The following GALNT13 variants were observed in gnomAD, a reference collection of about 807,000 sequenced individuals.
GALNT13 encodes UDP-GalNAc:polypeptide N-acetylgalactosaminyltransferase 13.
GALNT13 carries 28 observed loss-of-function variants against 64.2 expected under a neutral mutation model. The ratio of observed to expected loss-of-function variants is 0.44; its 90% CI spans 0.32 to 0.60. The LOEUF (loss-of-function observed/expected upper bound fraction) is 0.60, where lower values mean the gene tolerates loss of function less well. Ranked by LOEUF, GALNT13 falls within the 20% of genes least tolerant of loss-of-function variation. The pLI is 0.05. For synonymous variants in GALNT13, 214 were observed against 224.6 expected (o/e 0.95, Z 0.42); for missense variants, 577 against 669.8 (o/e 0.86, Z 1.53).
the GALNT13 span, among the ~76,000 whole-genome samples, chr2:153,713,503 T>C: frequency 6.6e-6 from 1 of 152,144 alleles, no homozygotes; most frequent in African/African-American, 2.4e-5. Flanking sequence ...CTTTTTTTTG[T>C]GTGTTGGAGT....
chr2:153,703,453 T>C, the GALNT13 span, among the ~76,000 whole-genome samples: 1 of 152,160 alleles, frequency 6.6e-6, no homozygotes, highest in African/African-American at 2.4e-5. Flanking sequence ...TTCTTCTATT[T>C]CCTTGGGATT....
chr2:153,294,779 AAAC>A, the GALNT13 span, among the ~76,000 whole-genome samples: 3 of 152,190 alleles, frequency 2.0e-5, no homozygotes, highest in African/African-American at 7.2e-5. Flanking sequence ...AATTTATTGA[AAAC>A]ATCATCATCC....
the GALNT13 span, among the ~76,000 whole-genome samples, chr2:153,242,450 T>C: frequency 6.6e-6 from 1 of 152,198 alleles, no homozygotes; most frequent in Non-Finnish European, 1.5e-5. Context: ...TGAGACACCA[T>C]ATGCATCCAT....
intron 8 of GALNT13, among the ~76,000 whole-genome samples, chr2:154,267,104 G>C (rs1177955607): frequency 1.3e-5 from 2 of 151,950 alleles, no homozygotes; most frequent in African/African-American, 2.4e-5. Flanking sequence ...AGAAAGAATA[G>C]TAGTTTCAAA....
intron 4 of GALNT13, among the ~76,000 whole-genome samples, chr2:154,220,034 A>T (rs1688244703): frequency 6.6e-6 from 1 of 152,054 alleles, no homozygotes; most frequent in Admixed American, 6.6e-5. Context: ...CTAATTGGGG[A>T]TATTCTTTAA....
chr2:153,859,054 G>C, the GALNT13 span, among the ~76,000 whole-genome samples: 3 of 152,046 alleles, frequency 2.0e-5, no homozygotes, highest in Admixed American at 2.0e-4. Flanking sequence ...TTTTTATATG[G>C]CATAAGGTTA....
chr2:154,153,278 T>G (rs1424423732), intron 4 of GALNT13, among the ~76,000 whole-genome samples: 1 of 149,906 alleles, frequency 6.7e-6, no homozygotes, highest in Non-Finnish European at 1.5e-5. Flanking sequence ...TGCTGTCTGA[T>G]CATTCCTCTG....
intron 12 of GALNT13, among the ~76,000 whole-genome samples, chr2:154,441,439 G>T (rs1300620880): frequency 1.3e-5 from 2 of 152,198 alleles, no homozygotes; most frequent in Non-Finnish European, 1.5e-5. Flanking sequence ...CTCTGAGGTG[G>T]TGCAGGTTCA....
At chr2:153,443,853 G>T in the GALNT13 span, among the ~76,000 whole-genome samples, 2 of 152,030 alleles carry the variant, frequency 1.3e-5, no homozygotes, top group African/African-American at 2.4e-5. Flanking sequence ...AGCCCGAGTG[G>T]CAGAGTTTGC....
At chr2:153,501,830 T>G in the GALNT13 span, among the ~76,000 whole-genome samples, 1 of 152,228 alleles carries the variant, frequency 6.6e-6, no homozygotes, top group Non-Finnish European at 1.5e-5. Context: ...AGCTTGGCTA[T>G]CCGCTTTTAA....
chr2:154,021,527 CT>C (rs1222074765), intron 3 of GALNT13, among the ~76,000 whole-genome samples: 1 of 152,064 alleles, frequency 6.6e-6, no homozygotes, highest in Non-Finnish European at 1.5e-5. Flanking sequence ...TATAAGAATG[CT>C]TGTGATTTTT....
At chr2:153,889,748 C>T (rs1175510723) in intron 1 of GALNT13, among the ~76,000 whole-genome samples, 3 of 151,958 alleles carry the variant, frequency 2.0e-5, no homozygotes, top group Non-Finnish European at 4.4e-5. Context: ...AGTCAGTATA[C>T]ATAATCAATT....
intron 3 of GALNT13, among the ~76,000 whole-genome samples, chr2:153,977,936 A>G (rs1309733052): frequency 6.6e-6 from 1 of 152,148 alleles, no homozygotes; most frequent in Non-Finnish European, 1.5e-5. Flanking sequence ...AATCCTGGGA[A>G]TTATTGCATT....
At chr2:153,896,102 TTAAAAAAAACTTGCCACTTTCG>T in intron 1 of GALNT13, among the ~76,000 whole-genome samples, 1 of 148,806 alleles carries the variant, frequency 6.7e-6, no homozygotes, top group Non-Finnish European at 1.5e-5. Context: ...TTTTCCTAAA[TTAAAAAAAACTTGCCACTTTCG>T]ATTTAGAAAA....
the GALNT13 span, among the ~76,000 whole-genome samples, chr2:153,245,264 T>C: frequency 1.9e-3 from 288 of 152,354 alleles, no homozygotes; most frequent in African/African-American, 6.7e-3. Context: ...AGGAGGATTC[T>C]CGCAGCACAG....
chr2:153,525,727 TAG>T, the GALNT13 span, among the ~76,000 whole-genome samples: 1 of 150,892 alleles, frequency 6.6e-6, no homozygotes, highest in Non-Finnish European at 1.5e-5. Context: ...ACCACTGGAG[TAG>T]AGCACCAAGT....
the GALNT13 span, among the ~76,000 whole-genome samples, chr2:153,710,021 G>T: frequency 1.3e-5 from 2 of 152,004 alleles, no homozygotes; most frequent in African/African-American, 4.8e-5. Context: ...AGGGTACAAA[G>T]CCTCAGGCAG....
the GALNT13 span, among the ~76,000 whole-genome samples, chr2:153,535,601 A>G: frequency 2.0e-5 from 3 of 152,212 alleles, no homozygotes; most frequent in African/African-American, 4.8e-5. Context: ...GCATCTATAT[A>G]GGAGCTTAAA....
intron 11 of GALNT13, among the ~76,000 whole-genome samples, chr2:154,431,155 A>T (rs898078276): frequency 1.3e-5 from 2 of 152,152 alleles, no homozygotes; most frequent in Non-Finnish European, 2.9e-5. Context: ...TCTATGGATT[A>T]AAAAAAGGAA....
Sources: allele counts gnomAD v4.1 joint callset (sites outside exome capture counted in the v4.1 genomes callset), GRCh38; gene constraint gnomAD v4.1.1; transcripts MANE v1.5; gene names NCBI Gene and HGNC (gene_info 2026-07-23, HGNC 2026-07-21).